SPOP: variants seen among roughly 807,000 people sequenced by gnomAD.
The protein encoded by SPOP is speckle type BTB/POZ protein, also known as speckle-type POZ protein.
A neutral mutation model predicts 45.6 loss-of-function variants in SPOP; 11 were observed. That is an observed-to-expected ratio of 0.24 (90% CI 0.15 to 0.40). SPOP has a LOEUF of 0.40. Ranked by LOEUF, SPOP falls within the 10% of genes least tolerant of loss-of-function variation. The probability of loss-of-function intolerance (pLI) is 1.00; values close to 1 mark genes in which losing one functional copy is unlikely to be tolerated. For synonymous variants in SPOP, 166 were observed against 166.3 expected (o/e 1.00, Z 0.01); for missense variants, 152 against 465.6 (o/e 0.33, Z 6.20).
chr17:49,620,862 G>A (rs577161322), intron 3 of SPOP, among the ~76,000 whole-genome samples: 1 of 152,270 alleles, frequency 6.6e-6, no homozygotes, highest in African/African-American at 2.4e-5. Flanking sequence ...TCTCTCTAGG[G>A]AGTGCATATG....
At chr17:49,650,225 A>G (rs1333526558) in intron 1 of SPOP, among the ~76,000 whole-genome samples, 3 of 152,202 alleles carry the variant, frequency 2.0e-5, no homozygotes, top group Non-Finnish European at 4.4e-5. Flanking sequence ...GAAAACAACA[A>G]CTACTCATAG....
Position 49,670,945 on chromosome 17 carries a change from T to C in SPOP, c.-67+6988A>G, listed in dbSNP as rs74861625. On this transcript the variant is annotated intron_variant, in intron 1 of 9. Coordinates refer to ENST00000504102, the MANE Select transcript of SPOP (RefSeq NM_001007228.2). ...GGAAAAGGGAAGACATACTTGTGCA[T>C]AGACGCACAGATGTTTTTATATAAT... is the stretch of plus-strand genomic sequence containing the variant. Among the ~76,000 whole-genome samples, 13 of 152,320 alleles carry C rather than the reference T, an allele frequency of 8.5e-5. No individual in the cohort carries two copies. In the East Asian group the frequency reaches 2.3e-3, roughly 27 times the overall value.
Position 49,600,822 on chromosome 17 carries a change from G to A in SPOP, c.981-300C>T, listed in dbSNP as rs2071726234. On this transcript the variant is annotated intron_variant, in intron 9 of 9. Coordinates refer to ENST00000504102, the MANE Select transcript of SPOP (RefSeq NM_001007228.2). The surrounding 1 kb of genome is among the most constrained non-coding windows in gnomAD (Gnocchi z 4.2). ...TTCCTTATATTCACCGGTGATGCTA[G>A]TCATAAAAAGGAGCATGGGCTCCCT... is the stretch of plus-strand genomic sequence containing the variant. 3.5e-6 allele frequency: 1 copy of A among 289,670 alleles called. No individual in the cohort carries two copies. The highest frequency in any genetic ancestry group is 4.5e-5 in the Admixed American group (1 of 22,466). 17.9% of individuals were successfully genotyped at this position (289,670 alleles called of 1,614,324 possible).
At chr17:49,659,916 C>T (rs1246242667) in intron 1 of SPOP, among the ~76,000 whole-genome samples, 3 of 152,184 alleles carry the variant, frequency 2.0e-5, no homozygotes, top group African/African-American at 4.8e-5. Context: ...ACCTGGGAGT[C>T]ATTCTTGACA....
rs763258628 is a variant in SPOP, at chr17:49,600,091, C to T, written c.*287G>A. 5 of 397,564 alleles carry T rather than the reference C, an allele frequency of 1.3e-5. No individual in the cohort carries two copies. Among genetic ancestry groups the T allele is most frequent in the Admixed American group, 7.3e-5 (2 of 27,244 alleles). The allele number at this position is 397,564 out of a possible 1,614,324, so 24.6% of individuals were successfully genotyped here. ...GACAGGTGTCTCCGAAGTACCACCG[C>T]TGGGATATCCTCGGGCCAGCGCCTA... On this transcript the variant is annotated 3_prime_UTR_variant, in exon 10 of 10. Coordinates refer to ENST00000504102, the MANE Select transcript of SPOP (RefSeq NM_001007228.2). The surrounding 1 kb of genome is among the most constrained non-coding windows in gnomAD (Gnocchi z 4.2).
At chr17:49,646,885 G>A (rs1286383317) in intron 1 of SPOP, among the ~76,000 whole-genome samples, 1 of 152,102 alleles carries the variant, frequency 6.6e-6, no homozygotes, top group Non-Finnish European at 1.5e-5. Context: ...TCTTAGATCA[G>A]GTATGGTCTT....
At chr17:49,670,746 G>C (rs2073125539) in intron 1 of SPOP, among the ~76,000 whole-genome samples, 1 of 152,172 alleles carries the variant, frequency 6.6e-6, no homozygotes, top group South Asian at 2.1e-4. Flanking sequence ...AAAGCCACAG[G>C]ATTCAGCACT....
chr17:49,622,443 G>C, intron 2 of SPOP: 1 of 520,396 alleles, frequency 1.9e-6, no homozygotes, highest in South Asian at 2.1e-5. Context: ...TCTCAAACTT[G>C]TTTCCCCAAC....
At chr17:49,648,747 T>C (rs140749598) in intron 1 of SPOP, among the ~76,000 whole-genome samples, 136 of 152,302 alleles carry the variant, frequency 8.9e-4, no homozygotes, top group African/African-American at 3.2e-3. Context: ...AAACTCTTTT[T>C]ACTTTGGATG....
chr17:49,638,710 C>T (rs1043421099), intron 1 of SPOP, among the ~76,000 whole-genome samples: 2 of 151,982 alleles, frequency 1.3e-5, no homozygotes, highest in Non-Finnish European at 2.9e-5. Flanking sequence ...TATCAGTGAT[C>T]AAATGAGCCA....
chr17:49,600,443 G>A lies in SPOP; in HGVS notation c.1060C>T (p.Arg354Cys), dbSNP rs759358719. The A allele has an allele frequency of 3.1e-6, 5 of 1,614,092 alleles. No homozygotes were observed. Among genetic ancestry groups the A allele is most frequent in the Middle Eastern group, 1.6e-4 (1 of 6,062 alleles). The stretch of plus-strand genomic sequence containing the variant: ...GGGCACTGTGCTGAAGCCAGAGAGC[G>A]GTATGCCTCAGCCACCAAGTGGGGA... ...SHPHLVAEAY[R>C]SLASAQCPFL... The change falls in exon 10 of 10, where the codon CGC (arginine) becomes TGC (cysteine). Residue 354 changes from arginine to cysteine, a missense_variant. Physicochemically the swap from Arg to Cys is radical, Grantham distance 180 (BLOSUM62 -3). Transcript: ENST00000504102. This position sits in a 1 kb window ranked among gnomAD's most constrained non-coding sequence, Gnocchi z 4.2.
At chr17:49,610,071 T>C (rs2071936972) in intron 6 of SPOP, among the ~76,000 whole-genome samples, 1 of 152,082 alleles carries the variant, frequency 6.6e-6, no homozygotes, top group Non-Finnish European at 1.5e-5. Flanking sequence ...TTTTAGGAGT[T>C]TGGAAGGAGT....
At chr17:49,604,723 A>G (rs985473821) in intron 8 of SPOP, among the ~76,000 whole-genome samples, 3 of 152,164 alleles carry the variant, frequency 2.0e-5, no homozygotes, top group African/African-American at 7.2e-5. Context: ...CCACAGGGTA[A>G]ACACCAATTC....
At chr17:49,676,407 G>C (rs1477223988) in intron 1 of SPOP, among the ~76,000 whole-genome samples, 2 of 152,158 alleles carry the variant, frequency 1.3e-5, no homozygotes, top group Admixed American at 6.5e-5. Context: ...ACAAAAGACA[G>C]CAGAACCCTG....
Position 49,600,005 on chromosome 17 carries a change from CTTT to C in SPOP, c.*370_*372del. 2.3e-5 allele frequency: 5 copies of C among 217,686 alleles called. No individual in the cohort carries two copies. The highest frequency in any genetic ancestry group is 5.8e-5 in the Admixed American group (1 of 17,358). The allele number at this position is 217,686 out of a possible 1,614,324, so 13.5% of individuals were successfully genotyped here. On this transcript the variant is annotated 3_prime_UTR_variant, in exon 10 of 10. Coordinates refer to ENST00000504102, the MANE Select transcript of SPOP (RefSeq NM_001007228.2). The surrounding 1 kb of genome is among the most constrained non-coding windows in gnomAD (Gnocchi z 4.2). ...CTTCTGTTAAAACTCAATGTCCTTT[CTTT>C]TTTTTTTTTCCTTTTTGCTCCAGGC...
intron 1 of SPOP, among the ~76,000 whole-genome samples, chr17:49,628,255 A>T (rs2072378500): frequency 6.6e-6 from 1 of 152,214 alleles, no homozygotes; most frequent in African/African-American, 2.4e-5. Flanking sequence ...ATATACCACC[A>T]TTTATTTTCC....
At chr17:49,618,880 G>A in intron 5 of SPOP, 101 bp downstream of exon 5, 1 of 1,388,524 alleles carries the variant, frequency 7.2e-7, no homozygotes, top group Non-Finnish European at 9.7e-7. Context: ...TACTCCACTT[G>A]GGGCTTTTTC....
At chr17:49,676,753 G>A (rs1023647686) in intron 1 of SPOP, among the ~76,000 whole-genome samples, 1 of 152,108 alleles carries the variant, frequency 6.6e-6, no homozygotes, top group African/African-American at 2.4e-5. Flanking sequence ...TGATGGCAGA[G>A]GTAAGCAGCA....
intron 8 of SPOP, 130 bp downstream of exon 8, chr17:49,607,120 A>G: frequency 8.7e-7 from 1 of 1,151,010 alleles, no homozygotes; most frequent in South Asian, 1.4e-5. Context: ...AATATGTGTA[A>G]ACCAGGACCG....
Sources: gnomAD v4.1 joint callset for allele counts (sites outside exome capture counted in the v4.1 genomes callset) on GRCh38, gnomAD v4.1.1 for gene constraint, Gnocchi (gnomAD v3.1) non-coding constraint, MANE v1.5 for transcripts, NCBI Gene and HGNC (gene_info 2026-07-23, HGNC 2026-07-21) for gene names.